The following IKZF1 variants were observed in gnomAD, a reference collection of about 807,000 sequenced individuals.
The protein encoded by IKZF1 is DNA-binding protein Ikaros.
A neutral mutation model predicts 51.7 loss-of-function variants in IKZF1; 10 were observed. The ratio of observed to expected loss-of-function variants is 0.19; its 90% CI spans 0.12 to 0.33. The LOEUF (loss-of-function observed/expected upper bound fraction) is 0.33. Ranked by LOEUF, IKZF1 falls within the 10% of genes least tolerant of loss-of-function variation. The pLI, the probability that IKZF1 is intolerant of heterozygous loss-of-function variation, is 1.00. For missense variants in IKZF1, 484 were observed against 707.5 expected, an observed-to-expected ratio of 0.68 and a Z score of 3.58; for synonymous variants, 280 against 282.3, an observed-to-expected ratio of 0.99 and a Z score of 0.08.
rs768268906 is a variant in IKZF1 at position 50,387,450 on chromosome 7, T to G, written c.695T>G (p.Leu232Arg). ...RCHNYLESMGLPGTLYPVIKE... is the reference protein window; with the variant it reads ...RCHNYLESMGRPGTLYPVIKE... ...CACAACTACTTGGAAAGCATGGGCC[T>G]TCCGGGCACACTGTACCCAGGTAAG... is the stretch of plus-strand genomic sequence containing the variant. The change falls in exon 6 of 8, where the codon CTT becomes CGT. Residue 232 changes from leucine (L) to arginine (R), a missense_variant. Leu to Arg is a moderately radical substitution (Grantham distance 102, BLOSUM62 -2). Transcript: ENST00000331340. The G allele has an allele frequency of 5.6e-6, 9 of 1,611,522 alleles. No individual in the cohort carries two copies. In the Admixed American group the frequency reaches 1.5e-4, roughly 27 times the overall value.
In IKZF1 at chr7:50,402,848, G is replaced by A. The variant is rs1400918155; in HGVS notation, c.*2221G>A. ...CACTGAGTGAAGGAAGAGAGACAGAGGATCAAGGGCTTTAGACAGCACTCC... is the reference window on the plus strand; with the variant it reads ...CACTGAGTGAAGGAAGAGAGACAGAAGATCAAGGGCTTTAGACAGCACTCC... On this transcript the variant is annotated 3_prime_UTR_variant, in exon 8 of 8. Transcript: ENST00000331340. 8.7e-6 allele frequency: 2 copies of A among 229,954 alleles called. No homozygotes were observed. Among genetic ancestry groups the A allele is most frequent in the African/African-American group, 4.4e-5 (2 of 45,156 alleles). The allele number at this position is 229,954 out of a possible 1,614,324, so 14.2% of individuals were successfully genotyped here.
At chr7:50,342,245 CA>C (rs1799221394) in intron 3 of IKZF1, among the ~76,000 whole-genome samples, 1 of 152,176 alleles carries the variant, frequency 6.6e-6, no homozygotes, top group Non-Finnish European at 1.5e-5. Flanking sequence ...TACTTGTAGG[CA>C]TTTTGGTTAA....
chr7:50,349,187 G>A (rs974437031), intron 3 of IKZF1, among the ~76,000 whole-genome samples: 1 of 152,174 alleles, frequency 6.6e-6, no homozygotes, highest in Non-Finnish European at 1.5e-5. Context: ...GCCACCAAAA[G>A]ATCAACTATT....
In IKZF1 at chr7:50,400,735, G is replaced by T. The variant is rs1817967306; in HGVS notation, c.*108G>T. ...CATAGACTGGACTGGACCAGACAAT[G>T]TTGTGTTTGGATTTGTAACTGTTTT... On this transcript the variant is annotated 3_prime_UTR_variant, in exon 8 of 8. Coordinates refer to ENST00000331340, the MANE Select transcript of IKZF1 (RefSeq NM_006060.6). The surrounding 1 kb of genome is among the most constrained non-coding windows in gnomAD (Gnocchi z 5.4). The T allele has an allele frequency of 7.6e-7, 1 of 1,317,218 alleles. No homozygotes were observed. The highest frequency in any genetic ancestry group is 1.0e-6 in the Non-Finnish European group (1 of 973,180). 81.6% of individuals were successfully genotyped at this position (1,317,218 alleles called of 1,614,324 possible).
intron 3 of IKZF1, among the ~76,000 whole-genome samples, chr7:50,333,571 A>G (rs1281961881): frequency 6.6e-6 from 1 of 152,220 alleles, no homozygotes; most frequent in African/African-American, 2.4e-5. Context: ...GAGAAATATT[A>G]TCTAGCAGCA....
At chr7:50,399,629 A>G (rs925917706) in intron 7 of IKZF1, among the ~76,000 whole-genome samples, 6 of 152,220 alleles carry the variant, frequency 3.9e-5, no homozygotes, top group Middle Eastern at 3.2e-3. Flanking sequence ...TCCCCTATTT[A>G]TGTATTCATT....
chr7:50,364,828 G>T (rs973769814), intron 3 of IKZF1, among the ~76,000 whole-genome samples: 2 of 152,212 alleles, frequency 1.3e-5, no homozygotes, highest in African/African-American at 4.8e-5. Flanking sequence ...TCCCTACCCT[G>T]GATGTGTGGT....
intron 2 of IKZF1, among the ~76,000 whole-genome samples, chr7:50,325,086 C>T (rs1794528778): frequency 6.6e-6 from 1 of 152,036 alleles, no homozygotes; most frequent in Non-Finnish European, 1.5e-5. Flanking sequence ...CATGTCAGGC[C>T]AGAAGGCTCC....
intron 1 of IKZF1, among the ~76,000 whole-genome samples, chr7:50,306,141 C>G (rs940768660): frequency 2.0e-5 from 3 of 152,196 alleles, no homozygotes; most frequent in Non-Finnish European, 4.4e-5. Flanking sequence ...CAAGAAGATT[C>G]ACCTTCTTAC....
rs955496011 is a variant in IKZF1, at chr7:50,381,717, G to T, written c.422-823G>T. 2.6e-5 allele frequency among the ~76,000 whole-genome samples: 4 copies of T among 152,306 alleles called. 1 individual carries two copies. Among genetic ancestry groups the T allele is most frequent in the South Asian group, 4.1e-4 (2 of 4,824 alleles). On this transcript the variant is annotated intron_variant, in intron 4 of 7. Transcript: ENST00000331340. ...ACTTAAAATATAATTTGTCTTCTATGGATATAGACAAATAATAGCTTAAAT... is the reference window on the plus strand; with the variant it reads ...ACTTAAAATATAATTTGTCTTCTATTGATATAGACAAATAATAGCTTAAAT...
chr7:50,345,614 A>G (rs553045025), intron 3 of IKZF1, among the ~76,000 whole-genome samples: 2 of 152,350 alleles, frequency 1.3e-5, no homozygotes, highest in East Asian at 3.9e-4. Context: ...CAGAGGGGTG[A>G]ACCAGAAGAA....
At chr7:50,321,067 A>G (rs28590272) in intron 2 of IKZF1, among the ~76,000 whole-genome samples, 43,250 of 152,118 alleles carry the variant, frequency 0.28, 6,663 homozygotes, top group South Asian at 0.39. Flanking sequence ...AATTACATAC[A>G]CATACATATT....
At chr7:50,366,411 A>G (rs1324114631) in intron 3 of IKZF1, among the ~76,000 whole-genome samples, 1 of 152,198 alleles carries the variant, frequency 6.6e-6, no homozygotes, top group Non-Finnish European at 1.5e-5. Context: ...TCTACTGGTG[A>G]GACAAATTCC....
At position 50,401,540 on chromosome 7, in the gene IKZF1, C is replaced by T. The variant is rs190821783; in HGVS notation, c.*913C>T. ...CTTCTTTCTTTTTGAATCTCTCAAA[C>T]GGCAACATTCCTCAGAAACCAAAGC... On this transcript the variant is annotated 3_prime_UTR_variant, in exon 8 of 8. Coordinates refer to ENST00000331340, the MANE Select transcript of IKZF1 (RefSeq NM_006060.6). 4.8e-4 allele frequency: 106 copies of T among 222,892 alleles called. No homozygotes were observed. In the East Asian group the frequency reaches 5.5e-3, roughly 12 times the overall value. The allele number at this position is 222,892 out of a possible 1,614,324, so 13.8% of individuals were successfully genotyped here. A position where few individuals can be genotyped will look rare whatever the true frequency, so the allele number is the denominator to read the frequency against.
chr7:50,367,918 TA>T (rs916831305), intron 3 of IKZF1: 15 of 605,384 alleles, frequency 2.5e-5, no homozygotes, highest in African/African-American at 9.3e-5. Flanking sequence ...CGTTCTTTTT[TA>T]AAAAAAAGTA....
intron 3 of IKZF1, among the ~76,000 whole-genome samples, chr7:50,333,802 A>G (rs1474987595): frequency 6.6e-6 from 1 of 152,178 alleles, no homozygotes; most frequent in Admixed American, 6.5e-5. Context: ...TCAGTGGTCC[A>G]TGGAGCAAAT....
At chr7:50,323,930 G>A (rs1794126213) in intron 2 of IKZF1, among the ~76,000 whole-genome samples, 1 of 152,168 alleles carries the variant, frequency 6.6e-6, no homozygotes, top group Admixed American at 6.5e-5. Context: ...TTGAGGAAAG[G>A]AGTCTTAAAA....
chr7:50,368,566 A>G lies in IKZF1; in HGVS notation c.161-7967A>G, dbSNP rs956597304. On this transcript the variant is annotated intron_variant, in intron 3 of 7. Coordinates refer to ENST00000331340, the MANE Select transcript of IKZF1 (RefSeq NM_006060.6). ...CCTCCAGGCCGTTATTCTGTGGTGC[A>G]TCGCTGCTGGAGCCAACGTACTGTT... is the stretch of plus-strand genomic sequence containing the variant. The G allele has an allele frequency of 8.5e-5, 46 of 542,294 alleles. No individual in the cohort carries two copies. The South Asian group carries it at 1.2e-3, about 14-fold the overall frequency. The allele number at this position is 542,294 out of a possible 1,614,324, so 33.6% of individuals were successfully genotyped here.
intron 3 of IKZF1, chr7:50,369,445 G>T (rs1285757041): frequency 1.8e-5 from 7 of 398,360 alleles, no homozygotes; most frequent in Non-Finnish European, 2.7e-5. Context: ...TATACACTTG[G>T]ATATGCTTTC....
Sources: gnomAD v4.1 joint callset for allele counts (sites outside exome capture counted in the v4.1 genomes callset) on GRCh38, gnomAD v4.1.1 for gene constraint, Gnocchi (gnomAD v3.1) non-coding constraint, MANE v1.5 for transcripts, NCBI Gene and HGNC (gene_info 2026-07-23, HGNC 2026-07-21) for gene names.